The following CAMTA1 variants were observed in gnomAD, a reference collection of about 807,000 sequenced individuals.
CAMTA1 encodes the protein calmodulin-binding transcription activator 1.
In CAMTA1, 27 loss-of-function variants were observed where a neutral mutation model predicts 170.9. That is an observed-to-expected ratio of 0.16 (90% CI 0.12 to 0.22). The LOEUF is 0.22. CAMTA1 is among the 10% of genes least tolerant of loss of function. The pLI, the probability that CAMTA1 is intolerant of heterozygous loss-of-function variation, is 1.00. For synonymous variants in CAMTA1, 833 were observed against 891.5 expected, an observed-to-expected ratio of 0.93 and a Z score of 1.17; for missense variants, 1,619 against 2,217.2, an observed-to-expected ratio of 0.73 and a Z score of 5.42.
intron 3 of CAMTA1, among the ~76,000 whole-genome samples, chr1:7,005,337 T>G (rs1698824663): frequency 6.6e-6 from 1 of 152,168 alleles, no homozygotes; most frequent in Admixed American, 6.5e-5. Flanking sequence ...CCTGGTAAAA[T>G]GAGGAGGGCT....
At chr1:7,652,579 C>T (rs775151570) in intron 7 of CAMTA1, among the ~76,000 whole-genome samples, 17 of 152,136 alleles carry the variant, frequency 1.1e-4, no homozygotes, top group Non-Finnish European at 2.9e-5. Context: ...GGGCAGGAGA[C>T]GAAGCTGGGC....
intron 5 of CAMTA1, among the ~76,000 whole-genome samples, chr1:7,401,444 T>G (rs1351890744): frequency 6.6e-6 from 1 of 152,204 alleles, no homozygotes; most frequent in Admixed American, 6.5e-5. Context: ...CCAACTTCAT[T>G]CTTTTTCAAA....
chr1:7,045,407 G>C (rs1705209229), intron 3 of CAMTA1, among the ~76,000 whole-genome samples: 1 of 152,150 alleles, frequency 6.6e-6, no homozygotes, highest in Non-Finnish European at 1.5e-5. Context: ...AGCTGAAATA[G>C]CAAACAGCTG....
At chr1:7,136,612 T>C (rs1056872725) in intron 4 of CAMTA1, among the ~76,000 whole-genome samples, 5 of 152,228 alleles carry the variant, frequency 3.3e-5, no homozygotes, top group Admixed American at 6.5e-5. Context: ...CATTGTCTTA[T>C]TCATTTTTTC....
chr1:7,587,568 G>A (rs908159474), intron 6 of CAMTA1, among the ~76,000 whole-genome samples: 9 of 152,148 alleles, frequency 5.9e-5, no homozygotes, highest in East Asian at 3.9e-4. Context: ...GTAATACCTC[G>A]CAGCTTCCCC....
chr1:6,943,279 C>T (rs12093356), intron 3 of CAMTA1, among the ~76,000 whole-genome samples: 4 of 152,070 alleles, frequency 2.6e-5, no homozygotes, highest in African/African-American at 9.7e-5. Context: ...CCTCCCTCCT[C>T]TCAGCCTCCT....
intron 6 of CAMTA1, among the ~76,000 whole-genome samples, chr1:7,526,950 T>A (rs2094438662): frequency 1.3e-5 from 2 of 152,184 alleles, no homozygotes; most frequent in Non-Finnish European, 2.9e-5. Flanking sequence ...GGGGCCTGTG[T>A]TTCCAAGAAA....
intron 22 of CAMTA1, among the ~76,000 whole-genome samples, chr1:7,761,107 T>A (rs1001433495): frequency 2.0e-5 from 3 of 152,186 alleles, no homozygotes; most frequent in Non-Finnish European, 4.4e-5. Context: ...GAAGGGGGAA[T>A]TGAGACTACA....
rs775487580 is a variant in CAMTA1, at chr1:6,930,537, C to T, written c.234+105327C>T. 2.6e-5 allele frequency among the ~76,000 whole-genome samples: 4 copies of T among 152,310 alleles called. No individual in the cohort carries two copies. In the East Asian group the frequency reaches 7.7e-4, roughly 29 times the overall value. ...GTTCCTCCAGCCTCCTGGGTTTGCGCGCATGTGAGGAGCTCATGGGGGTTA... is the reference window on the plus strand; with the variant it reads ...GTTCCTCCAGCCTCCTGGGTTTGCGTGCATGTGAGGAGCTCATGGGGGTTA... On this transcript the variant is annotated intron_variant, in intron 3 of 22. Transcript: ENST00000303635.
intron 3 of CAMTA1, among the ~76,000 whole-genome samples, chr1:6,857,141 A>G (rs1378266530): frequency 6.6e-6 from 1 of 152,128 alleles, no homozygotes; most frequent in Admixed American, 6.5e-5. Flanking sequence ...AAGTTGAGAG[A>G]CCACTGGGTG....
intron 5 of CAMTA1, among the ~76,000 whole-genome samples, chr1:7,309,632 G>T (rs1055295393): frequency 6.6e-6 from 1 of 151,860 alleles, no homozygotes; most frequent in African/African-American, 2.4e-5. Context: ...TTGTTCCTTT[G>T]TTTCCTCTTT....
At chr1:7,607,425 G>GGATGGA (rs58963562) in intron 6 of CAMTA1, among the ~76,000 whole-genome samples, 1 of 151,244 alleles carries the variant, frequency 6.6e-6, no homozygotes, top group African/African-American at 2.4e-5. Context: ...ATGGATGGAT[G>GGATGGA]TGTAGATGGA....
chr1:7,683,212 T>C (rs1005184487), intron 11 of CAMTA1, among the ~76,000 whole-genome samples: 1 of 149,780 alleles, frequency 6.7e-6, no homozygotes, highest in Non-Finnish European at 1.5e-5. Flanking sequence ...ACATACAATG[T>C]ACACTGAGAA....
At chr1:7,663,269 C>T in intron 8 of CAMTA1, 84 bp from the exon 9 acceptor site, 1 of 1,487,922 alleles carries the variant, frequency 6.7e-7, no homozygotes, top group Admixed American at 2.3e-5. Context: ...ACGGTCCTAG[C>T]TCTGACTCTC....
intron 4 of CAMTA1, among the ~76,000 whole-genome samples, chr1:7,210,221 A>G (rs1313098733): frequency 6.6e-6 from 1 of 152,242 alleles, no homozygotes; most frequent in Non-Finnish European, 1.5e-5. Flanking sequence ...CGTTATGTTT[A>G]GTTTCCATGT....
rs796712897 is a variant in CAMTA1 at position 7,103,882 on chromosome 1, CAT to C, written c.302+12512_302+12513del. 5.9e-3 allele frequency among the ~76,000 whole-genome samples: 884 copies of C among 149,334 alleles called. 3 individuals are homozygous for C. The highest frequency in any genetic ancestry group is 0.017 in the African/African-American group (687 of 40,260). ...ACATACACACACACACAACTACACA[CAT>C]GTACACACAACACACAACTACACGC... On this transcript the variant is annotated intron_variant, in intron 4 of 22. Coordinates refer to ENST00000303635, the MANE Select transcript of CAMTA1 (RefSeq NM_015215.4).
At chr1:7,655,216 C>A (rs1209112917) in intron 7 of CAMTA1, among the ~76,000 whole-genome samples, 5 of 93,942 alleles carry the variant, frequency 5.3e-5, no homozygotes, top group African/African-American at 1.6e-4. Flanking sequence ...ACAAACACAC[C>A]CATCTATACA....
chr1:7,156,000 C>A (rs975146381), intron 4 of CAMTA1, among the ~76,000 whole-genome samples: 1 of 152,118 alleles, frequency 6.6e-6, no homozygotes, highest in African/African-American at 2.4e-5. Context: ...CAGCTGTAAT[C>A]TCAGCACTTT....
chr1:7,765,526 G>A (rs1171877767), intron 22 of CAMTA1, among the ~76,000 whole-genome samples: 1 of 152,186 alleles, frequency 6.6e-6, no homozygotes, highest in Non-Finnish European at 1.5e-5. Context: ...CCCTATGGCT[G>A]TCCATCTGGG....
Sources: gnomAD v4.1 joint callset for allele counts (sites outside exome capture counted in the v4.1 genomes callset) on GRCh38, gnomAD v4.1.1 for gene constraint, MANE v1.5 for transcripts, NCBI Gene and HGNC (gene_info 2026-07-23, HGNC 2026-07-21) for gene names.